PEX5L: variants seen among roughly 807,000 people sequenced by gnomAD.
PEX5L encodes the protein peroxisomal biogenesis factor 5 like, also known as PEX5-related protein.
Under a neutral mutation model 84.0 loss-of-function variants are expected in PEX5L, and 30 were observed. The ratio of observed to expected loss-of-function variants is 0.36; its 90% CI spans 0.27 to 0.48. PEX5L has a LOEUF of 0.48. PEX5L is among the 20% of genes least tolerant of loss of function. PEX5L has a pLI of 0.99. For synonymous variants in PEX5L, 270 were observed against 283.1 expected (o/e 0.95, Z 0.46); for missense variants, 533 against 754.6 (o/e 0.71, Z 3.44).
At chr3:179,857,842 TTTGA>T (rs1230424907) in intron 8 of PEX5L, among the ~76,000 whole-genome samples, 3 of 152,226 alleles carry the variant, frequency 2.0e-5, no homozygotes, top group Non-Finnish European at 1.5e-5. Flanking sequence ...ATTTGAACAA[TTTGA>T]TTGAACTCAG....
intron 2 of PEX5L, among the ~76,000 whole-genome samples, chr3:179,929,584 C>A (rs1267930453): frequency 6.7e-6 from 1 of 148,736 alleles, no homozygotes; most frequent in Admixed American, 6.8e-5. Context: ...AGATATAGAA[C>A]TACTCTTTAA....
At chr3:179,829,370 C>T (rs1731761954) in intron 8 of PEX5L, among the ~76,000 whole-genome samples, 1 of 152,118 alleles carries the variant, frequency 6.6e-6, no homozygotes, top group African/African-American at 2.4e-5. Flanking sequence ...TTAATAGCAC[C>T]AAACAGTGCT....
intron 8 of PEX5L, among the ~76,000 whole-genome samples, chr3:179,848,840 A>T (rs41536548): frequency 0.27 from 40,355 of 151,970 alleles, 5,537 homozygotes; most frequent in African/African-American, 0.32. Flanking sequence ...CTTGACTAAG[A>T]CCCTGCCAAT....
At position 179,808,392 on chromosome 3, in the gene PEX5L, G is replaced by T. The variant is rs753157132; in HGVS notation, c.1398C>A (p.His466Gln). 3.9e-5 allele frequency: 62 copies of T among 1,580,996 alleles called. No homozygotes were observed. Among genetic ancestry groups the T allele is most frequent in the Admixed American group, 7.5e-5 (4 of 53,368 alleles). The change falls in exon 13 of 15, where the codon CAC becomes CAA. Residue 466 changes from histidine (H) to glutamine (Q), a missense_variant. Physicochemically the swap from His to Gln is conservative, Grantham distance 24. Coordinates refer to ENST00000467460, the MANE Select transcript of PEX5L (RefSeq NM_016559.3). ...CTGGGTCGATCATATCTCCATTTTG[G>T]TGGGCAGCTTCCAGATATAATTCCT... ...GVKELYLEAA[H>Q]QNGDMIDPDL...
At chr3:179,964,040 C>G (rs545667278) in intron 2 of PEX5L, among the ~76,000 whole-genome samples, 1 of 152,092 alleles carries the variant, frequency 6.6e-6, no homozygotes, top group Non-Finnish European at 1.5e-5. Flanking sequence ...ATATGCTGTG[C>G]AGATTATTTC....
At chr3:179,825,279 G>C (rs141303524) in intron 8 of PEX5L, among the ~76,000 whole-genome samples, 87 of 152,312 alleles carry the variant, frequency 5.7e-4, no homozygotes, top group Middle Eastern at 6.8e-3. Context: ...ATTCCAGGGG[G>C]ACAAATTTTT....
Position 179,795,191 on chromosome 3 carries a change from A to C in PEX5L, c.*6637T>G, listed in dbSNP as rs1377481485. 5 of 152,206 alleles carry C rather than the reference A, an allele frequency of 3.3e-5. No individual in the cohort carries two copies. The highest frequency in any genetic ancestry group is 5.9e-5 in the Non-Finnish European group (4 of 68,036). The allele number at this position is 152,206 out of a possible 1,614,324, so 9.4% of individuals were successfully genotyped here. ...AATTGGATTCCATTTGATCAGAAGGAGTTCTGATCCCCAAATCCCATTTTG... is the reference window on the plus strand; with the variant it reads ...AATTGGATTCCATTTGATCAGAAGGCGTTCTGATCCCCAAATCCCATTTTG... On this transcript the variant is annotated 3_prime_UTR_variant, in exon 15 of 15. Coordinates refer to ENST00000467460, the MANE Select transcript of PEX5L (RefSeq NM_016559.3).
At chr3:180,024,770 C>T (rs922111874) in intron 1 of PEX5L, among the ~76,000 whole-genome samples, 11 of 151,958 alleles carry the variant, frequency 7.2e-5, no homozygotes, top group Non-Finnish European at 1.5e-4. Flanking sequence ...ACCCTTACAA[C>T]AGGGTATAAG....
chr3:179,941,345 C>G (rs1312276690), intron 2 of PEX5L, among the ~76,000 whole-genome samples: 1 of 152,220 alleles, frequency 6.6e-6, no homozygotes, highest in East Asian at 1.9e-4. Context: ...CTTGCCCTTC[C>G]CCTCAGCTCA....
chr3:179,910,708 C>T (rs533110087), intron 2 of PEX5L, among the ~76,000 whole-genome samples: 11 of 152,248 alleles, frequency 7.2e-5, no homozygotes, highest in Non-Finnish European at 1.3e-4. Context: ...TAGATGATAT[C>T]CATGGGGGAC....
intron 1 of PEX5L, among the ~76,000 whole-genome samples, chr3:180,031,594 A>T (rs1579424132): frequency 1.3e-5 from 2 of 152,350 alleles, no homozygotes; most frequent in South Asian, 4.1e-4. Flanking sequence ...CTTAATAAGG[A>T]CACACTAGGC....
At chr3:180,033,262 G>A (rs1032607653) in intron 1 of PEX5L, among the ~76,000 whole-genome samples, 2 of 152,140 alleles carry the variant, frequency 1.3e-5, no homozygotes, top group African/African-American at 4.8e-5. Context: ...TTTATGTCTT[G>A]TGAAGCTAGA....
intron 1 of PEX5L, among the ~76,000 whole-genome samples, chr3:179,988,265 G>T (rs910798458): frequency 1.3e-5 from 2 of 152,080 alleles, no homozygotes; most frequent in Non-Finnish European, 2.9e-5. Context: ...GCCGGGTGTG[G>T]TCATAAGTGC....
intron 2 of PEX5L, chr3:179,902,100 A>G (rs1259637050): frequency 6.6e-6 from 1 of 152,290 alleles, no homozygotes; most frequent in Non-Finnish European, 1.5e-5. Context: ...AATGTTTGAC[A>G]TAATTTCATT....
At chr3:180,024,525 A>T (rs1292064261) in intron 1 of PEX5L, among the ~76,000 whole-genome samples, 4 of 141,176 alleles carry the variant, frequency 2.8e-5, no homozygotes, top group Non-Finnish European at 6.1e-5. Context: ...AGCCTGGGAG[A>T]TGGAGCGAGA....
chr3:179,860,120 GT>G (rs1339023290), intron 7 of PEX5L, among the ~76,000 whole-genome samples: 1 of 124,544 alleles, frequency 8.0e-6, no homozygotes, highest in African/African-American at 2.8e-5. Flanking sequence ...TTCCATTTTT[GT>G]TTTTTGTTTT....
intron 4 of PEX5L, among the ~76,000 whole-genome samples, chr3:179,887,353 C>A (rs1361607443): frequency 6.6e-6 from 1 of 152,152 alleles, no homozygotes; most frequent in Non-Finnish European, 1.5e-5. Context: ...AACTTGAAAA[C>A]CTTACTCTGA....
intron 14 of PEX5L, among the ~76,000 whole-genome samples, chr3:179,802,868 T>G (rs953802252): frequency 6.6e-6 from 1 of 151,884 alleles, no homozygotes; most frequent in Non-Finnish European, 1.5e-5. Context: ...TTCTTGTTTT[T>G]TTTTTTTCCA....
chr3:180,033,546 C>G lies in PEX5L; in HGVS notation c.21+3033G>C, dbSNP rs73883474. Among the ~76,000 whole-genome samples, 916 of 152,276 alleles carry G rather than the reference C, an allele frequency of 6.0e-3. 9 individuals are homozygous for G. The highest frequency in any genetic ancestry group is 0.021 in the African/African-American group (877 of 41,560). ...ATTGAGAGACATGTAATAATTTCCT[C>G]TAACTGGAAATGTTAACTCAAATGC... On this transcript the variant is annotated intron_variant, in intron 1 of 14. Coordinates refer to ENST00000467460, the MANE Select transcript of PEX5L (RefSeq NM_016559.3).
Sources: gnomAD v4.1 joint callset for allele counts (sites outside exome capture counted in the v4.1 genomes callset) on GRCh38, gnomAD v4.1.1 for gene constraint, MANE v1.5 for transcripts, NCBI Gene and HGNC (gene_info 2026-07-23, HGNC 2026-07-21) for gene names.